The following SLC71A2 variants were observed in gnomAD, a reference collection of about 807,000 sequenced individuals.
The protein encoded by SLC71A2 is solute carrier family 71 member 2.
chr9:94,454,956 A>G, the SLC71A2 span, among the ~76,000 whole-genome samples: 1 of 152,132 alleles, frequency 6.6e-6, no homozygotes, highest in African/African-American at 2.4e-5. Flanking sequence ...TTAATGTGGC[A>G]GGTTTCTCCA....
the SLC71A2 span, among the ~76,000 whole-genome samples, chr9:94,403,057 ACTGT>A: frequency 2.6e-5 from 4 of 152,336 alleles, no homozygotes; most frequent in African/African-American, 4.8e-5. Flanking sequence ...TATTCTACTT[ACTGT>A]CTATGAATTT....
the SLC71A2 span, among the ~76,000 whole-genome samples, chr9:94,419,834 C>T: frequency 6.6e-6 from 1 of 152,178 alleles, no homozygotes; most frequent in Non-Finnish European, 1.5e-5. Context: ...CTACAGTATG[C>T]AGCTGCTGAT....
At chr9:94,409,820 T>C in the SLC71A2 span, among the ~76,000 whole-genome samples, 2 of 151,418 alleles carry the variant, frequency 1.3e-5, no homozygotes, top group Non-Finnish European at 2.9e-5. Context: ...AGAACATAGT[T>C]TGTATAAATT....
chr9:94,392,043 G>A, the SLC71A2 span, among the ~76,000 whole-genome samples: 8 of 152,044 alleles, frequency 5.3e-5, no homozygotes, highest in Admixed American at 1.3e-4. Flanking sequence ...TTTTCCTGAC[G>A]TGTGTTTTTG....
At chr9:94,416,437 A>C in the SLC71A2 span, among the ~76,000 whole-genome samples, 1 of 152,194 alleles carries the variant, frequency 6.6e-6, no homozygotes, top group African/African-American at 2.4e-5. Flanking sequence ...GGGTACGGAT[A>C]ATCTTTGTTC....
chr9:94,458,801 A>C, the SLC71A2 span, among the ~76,000 whole-genome samples: 1 of 152,204 alleles, frequency 6.6e-6, no homozygotes, highest in African/African-American at 2.4e-5. Context: ...TATTTATTTG[A>C]AATTTCTTCC....
At chr9:94,422,126 C>G in the SLC71A2 span, among the ~76,000 whole-genome samples, 1 of 152,202 alleles carries the variant, frequency 6.6e-6, no homozygotes, top group African/African-American at 2.4e-5. Flanking sequence ...TCAAGTGATT[C>G]ACCCGCTTCG....
the SLC71A2 span, chr9:94,446,834 A>G: frequency 3.1e-6 from 5 of 1,594,272 alleles, 1 homozygote; most frequent in South Asian, 5.5e-5. Flanking sequence ...CGTTGAAGAA[A>G]GTTGGAAAAG....
the SLC71A2 span, among the ~76,000 whole-genome samples, chr9:94,450,943 GC>G: frequency 6.6e-6 from 1 of 152,116 alleles, no homozygotes; most frequent in Non-Finnish European, 1.5e-5. Context: ...ACATACCTGT[GC>G]CCGGGTCATA....
the SLC71A2 span, among the ~76,000 whole-genome samples, chr9:94,416,824 A>G: frequency 2.7e-5 from 4 of 150,922 alleles, no homozygotes; most frequent in African/African-American, 7.3e-5. Flanking sequence ...ATTGCATTCC[A>G]GCTTGGACAA....
chr9:94,444,096 TAATAA>T, the SLC71A2 span, among the ~76,000 whole-genome samples: 3 of 152,260 alleles, frequency 2.0e-5, no homozygotes, highest in African/African-American at 7.2e-5. Context: ...TTGGGATTTT[TAATAA>T]AATCCATTAG....
chr9:94,411,092 G>A, the SLC71A2 span, among the ~76,000 whole-genome samples: 1 of 151,674 alleles, frequency 6.6e-6, no homozygotes, highest in Non-Finnish European at 1.5e-5. Flanking sequence ...TGGCAGGACA[G>A]GTATCCTCCA....
the SLC71A2 span, among the ~76,000 whole-genome samples, chr9:94,423,884 G>A: frequency 6.6e-6 from 1 of 152,032 alleles, no homozygotes; most frequent in African/African-American, 2.4e-5. Flanking sequence ...AAGTTTTTAT[G>A]TAGTTGAATT....
the SLC71A2 span, chr9:94,459,561 A>T: frequency 1.6e-6 from 1 of 632,098 alleles, no homozygotes; most frequent in Non-Finnish European, 2.5e-6. Context: ...CATTCTGCTC[A>T]TCCTCCTCCT....
the SLC71A2 span, among the ~76,000 whole-genome samples, chr9:94,406,066 A>ATT: frequency 2.6e-3 from 163 of 63,592 alleles, 23 homozygotes; most frequent in African/African-American, 5.5e-3. Context: ...TGCAACTTGA[A>ATT]TTTTTTTTTT....
chr9:94,441,663 G>A, the SLC71A2 span, among the ~76,000 whole-genome samples: 1 of 152,236 alleles, frequency 6.6e-6, no homozygotes, highest in Non-Finnish European at 1.5e-5. Context: ...ATTTGGAGAG[G>A]TGCTGAACCT....
the SLC71A2 span, among the ~76,000 whole-genome samples, chr9:94,447,350 T>C: frequency 1.3e-5 from 2 of 152,072 alleles, no homozygotes; most frequent in Non-Finnish European, 2.9e-5. Flanking sequence ...CAGCCAATTT[T>C]TGTATTTTTA....
the SLC71A2 span, among the ~76,000 whole-genome samples, chr9:94,391,677 C>T: frequency 6.7e-6 from 1 of 148,968 alleles, no homozygotes; most frequent in Non-Finnish European, 1.5e-5. Flanking sequence ...TGCCTCTGTT[C>T]AGGAGTTTGA....
the SLC71A2 span, among the ~76,000 whole-genome samples, chr9:94,392,202 C>T: frequency 3.3e-5 from 5 of 150,418 alleles, no homozygotes; most frequent in Non-Finnish European, 7.4e-5. Context: ...AAGTGATACT[C>T]TAAAGAAACT....
Sources: allele counts gnomAD v4.1 joint callset (sites outside exome capture counted in the v4.1 genomes callset), GRCh38; gene constraint gnomAD v4.1.1; transcripts MANE v1.5; gene names NCBI Gene and HGNC (gene_info 2026-07-23, HGNC 2026-07-21).